Variants in NEDD4L observed in about 807,000 individuals in gnomAD.
NEDD4L encodes NEDD4 like E3 ubiquitin protein ligase, also known as E3 ubiquitin-protein ligase NEDD4-like.
A neutral mutation model predicts 148.9 loss-of-function variants in NEDD4L; 54 were observed. The observed-to-expected ratio is 0.36, with a 90% confidence interval of 0.29 to 0.45. The LOEUF is 0.45. Ranked by LOEUF, NEDD4L falls within the 20% of genes least tolerant of loss-of-function variation. The pLI, the probability that NEDD4L is intolerant of heterozygous loss-of-function variation, is 1.00. For synonymous variants in NEDD4L, 433 were observed against 440.7 expected, an observed-to-expected ratio of 0.98 and a Z score of 0.22; for missense variants, 856 against 1,233.8, an observed-to-expected ratio of 0.69 and a Z score of 4.59.
intron 1 of NEDD4L, among the ~76,000 whole-genome samples, chr18:58,062,666 A>C (rs181346002): frequency 3.5e-4 from 53 of 152,278 alleles, no homozygotes; most frequent in Admixed American, 2.2e-3. Context: ...TGGAGCATGA[A>C]AGTACCAATA....
At chr18:58,375,009 G>T (rs1222609774) in intron 24 of NEDD4L, among the ~76,000 whole-genome samples, 4 of 152,126 alleles carry the variant, frequency 2.6e-5, no homozygotes, top group Admixed American at 2.6e-4. Context: ...ACGGGTCCCA[G>T]TGCTAAAGCC....
intron 2 of NEDD4L, among the ~76,000 whole-genome samples, chr18:58,168,523 C>T (rs1056810863): frequency 6.6e-6 from 1 of 152,200 alleles, no homozygotes; most frequent in Non-Finnish European, 1.5e-5. Flanking sequence ...GGCAGCAGCT[C>T]TGTCGTGTTT....
At chr18:58,085,185 G>A (rs896600091) in intron 1 of NEDD4L, among the ~76,000 whole-genome samples, 6 of 152,196 alleles carry the variant, frequency 3.9e-5, no homozygotes, top group African/African-American at 1.4e-4. Flanking sequence ...AATTCTGGGG[G>A]AACATGGTTC....
intron 1 of NEDD4L, among the ~76,000 whole-genome samples, chr18:58,158,746 G>A (rs2035823794): frequency 6.6e-6 from 1 of 152,160 alleles, no homozygotes; most frequent in Non-Finnish European, 1.5e-5. Flanking sequence ...AGGGCTGTTT[G>A]CCTCTGTCGG....
intron 1 of NEDD4L, among the ~76,000 whole-genome samples, chr18:58,053,316 T>C (rs968190363): frequency 6.6e-6 from 1 of 152,082 alleles, no homozygotes; most frequent in East Asian, 1.9e-4. Flanking sequence ...ACAATTTTTT[T>C]TTTTTCTTTC....
At chr18:58,317,933 A>G (rs1313255859) in intron 6 of NEDD4L, among the ~76,000 whole-genome samples, 2 of 152,226 alleles carry the variant, frequency 1.3e-5, no homozygotes, top group Non-Finnish European at 2.9e-5. Flanking sequence ...AAAGAAAACA[A>G]AAGGAGAGGC....
intron 20 of NEDD4L, 33 bp from the exon 21 acceptor site, chr18:58,365,966 A>C: frequency 6.9e-7 from 1 of 1,449,512 alleles, no homozygotes; most frequent in South Asian, 1.3e-5. Flanking sequence ...TATTTACTGT[A>C]TGATTATGTG....
intron 1 of NEDD4L, among the ~76,000 whole-genome samples, chr18:58,082,079 A>AATATATACACACACACATATAT (rs1378443130): frequency 2.2e-5 from 2 of 89,946 alleles, no homozygotes; most frequent in African/African-American, 1.2e-4. Context: ...CTTTCTGATG[A>AATATATACACACACACATATAT]ATATATATAT....
intron 6 of NEDD4L, among the ~76,000 whole-genome samples, chr18:58,316,818 C>T (rs1305053253): frequency 1.3e-5 from 2 of 152,226 alleles, no homozygotes; most frequent in Non-Finnish European, 1.5e-5. Context: ...CCCTGGGCAG[C>T]ACAACGACGT....
chr18:58,225,398 G>A (rs761574492), intron 2 of NEDD4L, among the ~76,000 whole-genome samples: 11 of 152,324 alleles, frequency 7.2e-5, no homozygotes, highest in East Asian at 5.8e-4. Flanking sequence ...CCACTGTCCC[G>A]CCTTGGGCAG....
chr18:58,382,931 T>C (rs902080471), intron 24 of NEDD4L, among the ~76,000 whole-genome samples: 1 of 152,248 alleles, frequency 6.6e-6, no homozygotes, highest in African/African-American at 2.4e-5. Flanking sequence ...TTCTTTTCTC[T>C]GTTAAACATA....
In NEDD4L at chr18:58,329,055, G is replaced by T; in HGVS notation, c.741G>T (p.Arg247=). The change falls in exon 10 of 31, where the codon CGG becomes CGT. Residue 247 remains arginine (R), a synonymous_variant. Transcript: ENST00000400345. ...AGATCAACCAGGAGGCAGCACACCG[G>T]CGCTTCCGCTCCCGCAGGCACATCA... ...IRQINQEAAH[R]RFRSRRHISE... The T allele has an allele frequency of 6.2e-7, 1 of 1,614,052 alleles. No individual in the cohort carries two copies. The highest frequency in any genetic ancestry group is 8.5e-7 in the Non-Finnish European group (1 of 1,179,900).
intron 1 of NEDD4L, among the ~76,000 whole-genome samples, chr18:58,108,843 A>C (rs1323856237): frequency 6.6e-6 from 1 of 152,240 alleles, no homozygotes; most frequent in Non-Finnish European, 1.5e-5. Flanking sequence ...CATATGACAT[A>C]AATAGGCAGA....
At position 58,195,444 on chromosome 18, in the gene NEDD4L, C is replaced by T. The variant is rs138460994; in HGVS notation, c.122+29583C>T. 5.8e-4 allele frequency: 770 copies of T among 1,319,434 alleles called. 9 individuals carry two copies. In the African/African-American group the frequency reaches 8.0e-3, roughly 14 times the overall value. 81.7% of individuals were successfully genotyped at this position (1,319,434 alleles called of 1,614,324 possible). On this transcript the variant is annotated intron_variant, in intron 2 of 30. Transcript: ENST00000400345. ...TCCCGATTCGAGAGAGGCAGGCATC[C>T]GCGGCAGCAGCTTCCAACCCAGACA... is the stretch of plus-strand genomic sequence containing the variant.
At chr18:58,169,135 T>A (rs2037241459) in intron 2 of NEDD4L, among the ~76,000 whole-genome samples, 1 of 152,236 alleles carries the variant, frequency 6.6e-6, no homozygotes, top group Non-Finnish European at 1.5e-5. Context: ...GTGCCTGAAA[T>A]GCCCTTGTCC....
intron 5 of NEDD4L, among the ~76,000 whole-genome samples, chr18:58,295,340 A>G (rs1204468287): frequency 1.3e-5 from 2 of 152,176 alleles, no homozygotes; most frequent in African/African-American, 4.8e-5. Context: ...CTCTTCTGGG[A>G]TATCATGAAG....
At position 58,149,508 on chromosome 18, in the gene NEDD4L, C is replaced by T. The variant is rs553773887; in HGVS notation, c.49-16280C>T. The T allele has an allele frequency of 1.3e-5, 20 of 1,551,328 alleles. No homozygotes were observed. The South Asian group carries it at 1.9e-4, about 15-fold the overall frequency. On this transcript the variant is annotated intron_variant, in intron 1 of 30. Coordinates refer to ENST00000400345, the MANE Select transcript of NEDD4L (RefSeq NM_001144967.3). ...AGTTTTCCAGCTTTCCTTTAATGCA[C>T]TAAACCTTTAATATTGTATTCTCCT...
chr18:58,308,522 G>T (rs930294385), intron 5 of NEDD4L, among the ~76,000 whole-genome samples: 1 of 152,220 alleles, frequency 6.6e-6, no homozygotes, highest in South Asian at 2.1e-4. Context: ...CATTGAAGAG[G>T]CAGTCGTTTC....
At position 58,398,557 on chromosome 18, in the gene NEDD4L, A is replaced by G. The variant is rs2050642980; in HGVS notation, c.*2288A>G. 6.6e-6 allele frequency: 1 copy of G among 152,246 alleles called. No homozygotes were observed. Among genetic ancestry groups the G allele is most frequent in the Non-Finnish European group, 1.5e-5 (1 of 68,048 alleles). The allele number at this position is 152,246 out of a possible 1,614,324, so 9.4% of individuals were successfully genotyped here. On this transcript the variant is annotated 3_prime_UTR_variant, in exon 31 of 31. Transcript: ENST00000400345. Reference sequence around the variant, plus strand: ...CCAGAAGCAAACAAGAATTACTGAAATCTACCCCATGAATACTTGGAAGGC... The same window carrying G: ...CCAGAAGCAAACAAGAATTACTGAAGTCTACCCCATGAATACTTGGAAGGC...
Sources: gnomAD v4.1 joint callset for allele counts (sites outside exome capture counted in the v4.1 genomes callset) on GRCh38, gnomAD v4.1.1 for gene constraint, MANE v1.5 for transcripts, NCBI Gene and HGNC (gene_info 2026-07-23, HGNC 2026-07-21) for gene names.